The following SLC35A1 variants were observed in gnomAD, a reference collection of about 807,000 sequenced individuals.
The protein encoded by SLC35A1 is solute carrier family 35 member A1.
A neutral mutation model predicts 40.3 loss-of-function variants in SLC35A1; 21 were observed. The observed-to-expected ratio is 0.52, with a 90% CI of 0.37 to 0.75. SLC35A1 has a LOEUF of 0.75. SLC35A1 is among the 30% of genes least tolerant of loss of function. The pLI, the probability that SLC35A1 is intolerant of heterozygous loss-of-function variation, is 0.00. For missense variants in SLC35A1, 297 were observed against 382.1 expected (o/e 0.78, Z 1.86); for synonymous variants, 146 against 147.3 (o/e 0.99, Z 0.06).
At chr6:87,480,592 G>A (rs1769215874) in intron 2 of SLC35A1, among the ~76,000 whole-genome samples, 1 of 152,164 alleles carries the variant, frequency 6.6e-6, no homozygotes. Context: ...GTTTGTGAAA[G>A]GGGCAGTTGT....
chr6:87,499,076 T>C (rs1207575456), intron 2 of SLC35A1: 1 of 968,408 alleles, frequency 1.0e-6, no homozygotes, highest in Non-Finnish European at 1.2e-6. Context: ...AAGGATGTCT[T>C]TTGTTTCTGT....
At chr6:87,481,962 C>G (rs1373647496) in intron 2 of SLC35A1, among the ~76,000 whole-genome samples, 1 of 152,122 alleles carries the variant, frequency 6.6e-6, no homozygotes, top group African/African-American at 2.4e-5. Context: ...TCTATGCCTC[C>G]TTATTATCCT....
At chr6:87,501,848 A>G (rs1769931939) in intron 4 of SLC35A1, among the ~76,000 whole-genome samples, 1 of 152,230 alleles carries the variant, frequency 6.6e-6, no homozygotes, top group Admixed American at 6.5e-5. Flanking sequence ...AGTTTTTAAG[A>G]GTTAATGTGA....
intron 1 of SLC35A1, among the ~76,000 whole-genome samples, chr6:87,477,088 C>T (rs766507052): frequency 5.3e-5 from 8 of 151,972 alleles, no homozygotes; most frequent in Middle Eastern, 3.2e-3. Flanking sequence ...AGAATCAGTA[C>T]GCTACATAGT....
chr6:87,501,039 C>T (rs553638584), intron 3 of SLC35A1, 119 bp from the exon 4 acceptor site: 221 of 1,011,516 alleles, frequency 2.2e-4, no homozygotes, highest in Non-Finnish European at 2.8e-4. Context: ...TGTGAGCCAC[C>T]GTGCCCGGCC....
chr6:87,509,770 C>A (rs1770197161), intron 7 of SLC35A1, among the ~76,000 whole-genome samples: 1 of 152,044 alleles, frequency 6.6e-6, no homozygotes, highest in Admixed American at 6.5e-5. Flanking sequence ...TTTGTTAGTC[C>A]TAATATAATT....
chr6:87,475,854 A>T (rs1010403783), intron 1 of SLC35A1, among the ~76,000 whole-genome samples: 1 of 152,222 alleles, frequency 6.6e-6, no homozygotes, highest in African/African-American at 2.4e-5. Flanking sequence ...GGAGTTGTCA[A>T]AGTATGGCTC....
intron 5 of SLC35A1, among the ~76,000 whole-genome samples, chr6:87,507,675 A>G (rs1225478397): frequency 6.6e-6 from 1 of 152,132 alleles, no homozygotes; most frequent in Non-Finnish European, 1.5e-5. Flanking sequence ...CATGATATTT[A>G]TAACTAAAAT....
intron 5 of SLC35A1, among the ~76,000 whole-genome samples, chr6:87,508,144 A>T (rs1354020226): frequency 2.0e-5 from 3 of 152,276 alleles, no homozygotes; most frequent in East Asian, 1.9e-4. Flanking sequence ...GCTCTAATAA[A>T]GGCAGAAACT....
At chr6:87,498,409 C>T (rs1411457966) in intron 2 of SLC35A1, among the ~76,000 whole-genome samples, 1 of 152,154 alleles carries the variant, frequency 6.6e-6, no homozygotes, top group East Asian at 1.9e-4. Context: ...ATTTTAATCT[C>T]TTTTTCTCTA....
At chr6:87,480,463 A>G (rs1320202118) in intron 2 of SLC35A1, among the ~76,000 whole-genome samples, 2 of 152,222 alleles carry the variant, frequency 1.3e-5, no homozygotes, top group Non-Finnish European at 2.9e-5. Flanking sequence ...CATTTTAACC[A>G]GGCATTTACA....
chr6:87,484,173 G>T (rs1483620615), intron 2 of SLC35A1, among the ~76,000 whole-genome samples: 1 of 152,110 alleles, frequency 6.6e-6, no homozygotes, highest in African/African-American at 2.4e-5. Context: ...GTGTTGCTGA[G>T]AGCTCGGGTT....
intron 1 of SLC35A1, among the ~76,000 whole-genome samples, chr6:87,476,679 C>G (rs1769080882): frequency 1.3e-5 from 2 of 151,696 alleles, no homozygotes; most frequent in African/African-American, 4.8e-5. Context: ...GAGCCGAGAT[C>G]ACGTCAAGAT....
chr6:87,503,595 C>G (rs1039947567), intron 4 of SLC35A1, among the ~76,000 whole-genome samples: 3 of 152,058 alleles, frequency 2.0e-5, no homozygotes, highest in African/African-American at 7.2e-5. Context: ...GCCTGTAATC[C>G]TAGCTACTCA....
chr6:87,508,370 A>T, intron 5 of SLC35A1, 50 bp from the exon 6 acceptor site: 1 of 1,224,646 alleles, frequency 8.2e-7, no homozygotes, highest in Non-Finnish European at 1.2e-6. Flanking sequence ...AAGACATTTT[A>T]AGTTAATTTA....
chr6:87,487,762 T>C (rs1769427673), intron 2 of SLC35A1, among the ~76,000 whole-genome samples: 1 of 152,214 alleles, frequency 6.6e-6, no homozygotes, highest in Non-Finnish European at 1.5e-5. Flanking sequence ...GTTTATGATC[T>C]GAAAGCGGAA....
At chr6:87,507,578 A>G (rs1429809141) in intron 5 of SLC35A1, among the ~76,000 whole-genome samples, 1 of 152,214 alleles carries the variant, frequency 6.6e-6, no homozygotes, top group East Asian at 1.9e-4. Context: ...TTATGTTCCC[A>G]TTCCAACAGA....
At chr6:87,499,003 C>T (rs1387545647) in intron 2 of SLC35A1, 1 of 308,296 alleles carries the variant, frequency 3.2e-6, no homozygotes, top group Admixed American at 6.5e-5. Flanking sequence ...TCCTTTTCAG[C>T]ATATAGACTT....
At chr6:87,493,838 ATT>A (rs1769633787) in intron 2 of SLC35A1, among the ~76,000 whole-genome samples, 1 of 106,910 alleles carries the variant, frequency 9.4e-6, no homozygotes, top group Non-Finnish European at 1.8e-5. Flanking sequence ...TTCTGTTTGT[ATT>A]TAACTTGAGA....
Sources: gnomAD v4.1 joint callset for allele counts (sites outside exome capture counted in the v4.1 genomes callset) on GRCh38, gnomAD v4.1.1 for gene constraint, MANE v1.5 for transcripts, NCBI Gene and HGNC (gene_info 2026-07-23, HGNC 2026-07-21) for gene names.